The following GALNT13 variants were observed in gnomAD, a reference collection of about 807,000 sequenced individuals.
GALNT13 encodes the protein polypeptide N-acetylgalactosaminyltransferase 13.
Under a neutral mutation model 64.2 loss-of-function variants are expected in GALNT13, and 28 were observed. That is an observed-to-expected ratio of 0.44 (90% confidence interval 0.32 to 0.60). The LOEUF is 0.60. Among genes scored for constraint, GALNT13 ranks in the 20% least tolerant of loss-of-function variants. GALNT13 has a pLI of 0.05. For missense variants in GALNT13, 577 were observed against 669.8 expected, an observed-to-expected ratio of 0.86 and a Z score of 1.53; for synonymous variants, 214 against 224.6, an observed-to-expected ratio of 0.95 and a Z score of 0.42.
At chr2:153,225,890 A>G in the GALNT13 span, among the ~76,000 whole-genome samples, 2 of 152,300 alleles carry the variant, frequency 1.3e-5, no homozygotes, top group African/African-American at 4.8e-5. Flanking sequence ...GTCAATTCTC[A>G]TCTTGCTCTA....
chr2:154,314,727 A>C (rs1456952556), intron 9 of GALNT13, among the ~76,000 whole-genome samples: 1 of 152,152 alleles, frequency 6.6e-6, no homozygotes, highest in Non-Finnish European at 1.5e-5. Flanking sequence ...ATTGAGTGAG[A>C]ACTCAGTCAT....
chr2:154,081,663 AT>A (rs1251590300), intron 3 of GALNT13, among the ~76,000 whole-genome samples: 1 of 151,742 alleles, frequency 6.6e-6, no homozygotes. Context: ...AGCGCAATAT[AT>A]TCCCCCATAC....
the GALNT13 span, among the ~76,000 whole-genome samples, chr2:153,383,702 CATTG>C: frequency 6.6e-6 from 1 of 152,026 alleles, no homozygotes; most frequent in Admixed American, 6.6e-5. Flanking sequence ...TAAATTTGTT[CATTG>C]ATTGATTGTT....
At position 154,102,113 on chromosome 2, in the gene GALNT13, G is replaced by T. The variant is rs1702378956; in HGVS notation, c.143-38224G>T. ...CACAGATGACAAAAATGTTTATTCT[G>T]CAGTTTTGGGGTAGAATGCTTTATA... On this transcript the variant is annotated intron_variant, in intron 3 of 12. Coordinates refer to ENST00000392825, the MANE Select transcript of GALNT13 (RefSeq NM_052917.4). 2.0e-5 allele frequency among the ~76,000 whole-genome samples: 3 copies of T among 152,102 alleles called. No homozygotes were observed. The South Asian group carries it at 6.2e-4, about 31-fold the overall frequency.
chr2:154,142,549 CAA>C (rs71396392), intron 4 of GALNT13, among the ~76,000 whole-genome samples: 4,287 of 66,346 alleles, frequency 0.065, 57 homozygotes, highest in African/African-American at 0.15. Flanking sequence ...AACTCTGTCT[CAA>C]AAAAAAAAAA....
chr2:153,546,294 A>G, the GALNT13 span, among the ~76,000 whole-genome samples: 1 of 152,242 alleles, frequency 6.6e-6, no homozygotes, highest in African/African-American at 2.4e-5. Flanking sequence ...AGTTGGAAGA[A>G]TGATTGAAGA....
chr2:153,085,580 A>G, the GALNT13 span, among the ~76,000 whole-genome samples: 1 of 152,208 alleles, frequency 6.6e-6, no homozygotes, highest in Non-Finnish European at 1.5e-5. Flanking sequence ...CAGCTTCCAC[A>G]TGGTGTTGAG....
At chr2:153,477,028 T>G in the GALNT13 span, among the ~76,000 whole-genome samples, 2 of 152,128 alleles carry the variant, frequency 1.3e-5, no homozygotes, top group Non-Finnish European at 1.5e-5. Context: ...CACGGAAGTG[T>G]AATCTTCCCG....
In GALNT13 at chr2:154,170,437, A is replaced by C. The variant is rs149976209; in HGVS notation, c.311+29932A>C. On this transcript the variant is annotated intron_variant, in intron 4 of 12. Transcript: ENST00000392825. The stretch of plus-strand genomic sequence containing the variant: ...GTAGGAGATTTGATGCTGGACTGCT[A>C]TCCACGTTGTTTACAGTGACCATAT... Among the ~76,000 whole-genome samples, 13 of 152,312 alleles carry C rather than the reference A, an allele frequency of 8.5e-5. 1 individual carries two copies. In the East Asian group the frequency reaches 2.3e-3, roughly 27 times the overall value.
the GALNT13 span, among the ~76,000 whole-genome samples, chr2:153,699,252 C>G: frequency 6.6e-6 from 1 of 151,998 alleles, no homozygotes; most frequent in Non-Finnish European, 1.5e-5. Flanking sequence ...GGATAAATAA[C>G]GAAATTAAGG....
chr2:154,158,856 G>A lies in GALNT13; in HGVS notation c.311+18351G>A, dbSNP rs187422527. Among the ~76,000 whole-genome samples, 188 of 152,116 alleles carry A rather than the reference G, an allele frequency of 1.2e-3. 1 individual carries two copies. The highest frequency in any genetic ancestry group is 4.2e-3 in the African/African-American group (174 of 41,512). On this transcript the variant is annotated intron_variant, in intron 4 of 12. Coordinates refer to ENST00000392825, the MANE Select transcript of GALNT13 (RefSeq NM_052917.4). ...CCCACATGCTGAGCATTCCAATAAT[G>A]GAACAGTAGTCATAAATGGGTTAAC...
the GALNT13 span, among the ~76,000 whole-genome samples, chr2:153,233,739 C>T: frequency 6.6e-6 from 1 of 152,094 alleles, no homozygotes; most frequent in African/African-American, 2.4e-5. Flanking sequence ...TTCATAGTAA[C>T]TTAATTTGAA....
intron 3 of GALNT13, among the ~76,000 whole-genome samples, chr2:154,072,700 C>T (rs1160524189): frequency 6.6e-6 from 1 of 151,954 alleles, no homozygotes; most frequent in African/African-American, 2.4e-5. Context: ...TCTGTCTACT[C>T]CTTACAGCAA....
chr2:153,828,459 G>A, the GALNT13 span, among the ~76,000 whole-genome samples: 5 of 152,252 alleles, frequency 3.3e-5, no homozygotes, highest in Admixed American at 6.5e-5. Context: ...AAGCTGCCAC[G>A]GCTTGGGGCT....
At chr2:153,878,340 G>A (rs182512267) in intron 1 of GALNT13, among the ~76,000 whole-genome samples, 1 of 152,184 alleles carries the variant, frequency 6.6e-6, no homozygotes, top group East Asian at 1.9e-4. Context: ...CGTAGATTGT[G>A]CTTGGATGCC....
chr2:154,115,090 T>C (rs1405208443), intron 3 of GALNT13, among the ~76,000 whole-genome samples: 1 of 152,176 alleles, frequency 6.6e-6, no homozygotes, highest in East Asian at 1.9e-4. Context: ...GGGTATGTCT[T>C]CTAGACACTC....
At chr2:153,120,021 A>T in the GALNT13 span, among the ~76,000 whole-genome samples, 1 of 152,204 alleles carries the variant, frequency 6.6e-6, no homozygotes, top group East Asian at 1.9e-4. Flanking sequence ...AACTCAACTA[A>T]GACAGTGATG....
At chr2:153,421,750 A>G in the GALNT13 span, 812 of 244,918 alleles carry the variant, frequency 3.3e-3, 35 homozygotes, top group East Asian at 0.076. Context: ...ATCAGTGACT[A>G]TGGGTTCCAG....
chr2:154,382,786 CG>C (rs1050493547), intron 9 of GALNT13, among the ~76,000 whole-genome samples: 2 of 108,580 alleles, frequency 1.8e-5, no homozygotes, highest in Admixed American at 8.2e-5. Context: ...TCTCTTAAAA[CG>C]TTTTTTTTTT....
Sources: allele counts gnomAD v4.1 joint callset (sites outside exome capture counted in the v4.1 genomes callset), GRCh38; gene constraint gnomAD v4.1.1; transcripts MANE v1.5; gene names NCBI Gene and HGNC (gene_info 2026-07-23, HGNC 2026-07-21).